Variants in CCDC7 observed in about 807,000 individuals in gnomAD.
CCDC7 encodes coiled-coil domain containing 7, also known as coiled-coil domain-containing protein 7.
CCDC7 carries 183 observed loss-of-function variants against 196.9 expected under a neutral mutation model. The ratio of observed to expected loss-of-function variants is 0.93; its 90% CI spans 0.82 to 1.05. The LOEUF is 1.05. Ranked by LOEUF, CCDC7 falls within the 50% of genes least tolerant of loss-of-function variation. The pLI is 0.00. For synonymous variants in CCDC7, 525 were observed against 484.6 expected (o/e 1.08, Z -1.10); for missense variants, 1,540 against 1,482.2 (o/e 1.04, Z -0.64).
At chr10:32,792,790 ACT>A (rs978340888) in intron 29 of CCDC7, among the ~76,000 whole-genome samples, 12 of 152,218 alleles carry the variant, frequency 7.9e-5, no homozygotes, top group African/African-American at 2.9e-4. Context: ...ATGGAGCAAG[ACT>A]CTGTCTCACC....
chr10:32,462,966 A>T, intron 4 of CCDC7, 51 bp from the exon 6 acceptor site: 1 of 1,608,818 alleles, frequency 6.2e-7, no homozygotes, highest in Non-Finnish European at 8.5e-7. Context: ...TCATCAGTGC[A>T]ATTTAAGTAG....
intron 24 of CCDC7, among the ~76,000 whole-genome samples, chr10:32,698,357 G>A (rs1033016711): frequency 3.3e-5 from 5 of 152,136 alleles, no homozygotes; most frequent in African/African-American, 4.8e-5. Context: ...TGACTTTGAC[G>A]AGTTGAGAGA....
At chr10:32,528,135 C>A (rs935301701) in intron 11 of CCDC7, among the ~76,000 whole-genome samples, 1 of 152,146 alleles carries the variant, frequency 6.6e-6, no homozygotes, top group Non-Finnish European at 1.5e-5. Flanking sequence ...CTTTCTATGT[C>A]TGGCTTGTTT....
upstream of CCDC7, among the ~76,000 whole-genome samples, chr10:32,444,703 T>C (rs2030567880): frequency 6.6e-6 from 1 of 152,230 alleles, no homozygotes; most frequent in African/African-American, 2.4e-5. Flanking sequence ...CTTTCTAAAC[T>C]ACTTTCTTAA....
intron 18 of CCDC7, among the ~76,000 whole-genome samples, chr10:32,613,010 C>T (rs539236003): frequency 6.6e-6 from 1 of 152,018 alleles, no homozygotes; most frequent in Admixed American, 6.6e-5. Context: ...ACTAGCTCCT[C>T]TTTGTACCTC....
intron 25 of CCDC7, among the ~76,000 whole-genome samples, chr10:32,713,028 T>TCATGATCTTCCA (rs2081065535): frequency 1.3e-5 from 2 of 152,202 alleles, no homozygotes; most frequent in South Asian, 4.1e-4. Flanking sequence ...GTTTGGTAGG[T>TCATGATCTTCCA]CATGATCTTC....
intron 29 of CCDC7, among the ~76,000 whole-genome samples, chr10:32,787,008 TG>T (rs1263460256): frequency 6.6e-6 from 1 of 151,986 alleles, no homozygotes; most frequent in Non-Finnish European, 1.5e-5. Context: ...AGGACAATTG[TG>T]ATTATTAAGT....
At chr10:32,709,857 A>G (rs1299696271) in intron 24 of CCDC7, among the ~76,000 whole-genome samples, 1 of 152,054 alleles carries the variant, frequency 6.6e-6, no homozygotes, top group Non-Finnish European at 1.5e-5. Context: ...AGACTTGTTA[A>G]AAATCTTATC....
chr10:32,843,173 A>G (rs1027604356), intron 33 of CCDC7, among the ~76,000 whole-genome samples: 3 of 151,964 alleles, frequency 2.0e-5, no homozygotes, highest in Non-Finnish European at 4.4e-5. Flanking sequence ...ATGCAAAAAA[A>G]TATATAAATA....
intron 13 of CCDC7, among the ~76,000 whole-genome samples, chr10:32,559,451 G>C (rs1339730244): frequency 6.6e-6 from 1 of 152,174 alleles, no homozygotes; most frequent in Non-Finnish European, 1.5e-5. Flanking sequence ...CACCTCACAC[G>C]GCCGGGTACT....
intron 28 of CCDC7, among the ~76,000 whole-genome samples, chr10:32,734,085 C>T (rs987686758): frequency 6.6e-6 from 1 of 152,070 alleles, no homozygotes; most frequent in African/African-American, 2.4e-5. Context: ...TGGGTATATA[C>T]CCAGAGGAAT....
intron 8 of CCDC7, chr10:32,481,872 A>T (rs1253470436): frequency 6.6e-6 from 1 of 152,132 alleles, no homozygotes; most frequent in Non-Finnish European, 1.5e-5. Flanking sequence ...TTCACTGCTG[A>T]TAGCCCTATG....
chr10:32,662,347 C>T (rs1402418754), intron 20 of CCDC7, among the ~76,000 whole-genome samples: 1 of 152,172 alleles, frequency 6.6e-6, no homozygotes, highest in African/African-American at 2.4e-5. Context: ...TTGGTTCCTA[C>T]TAAGGTGCTT....
At chr10:32,838,021 A>C (rs1263326874) in intron 33 of CCDC7, among the ~76,000 whole-genome samples, 1 of 152,122 alleles carries the variant, frequency 6.6e-6, no homozygotes, top group African/African-American at 2.4e-5. Flanking sequence ...GCATGTATAC[A>C]TATGTAACAA....
intron 28 of CCDC7, among the ~76,000 whole-genome samples, chr10:32,745,626 A>G (rs977540161): frequency 6.6e-6 from 1 of 152,168 alleles, no homozygotes; most frequent in African/African-American, 2.4e-5. Context: ...AACACCAGCT[A>G]CGACCTCCAA....
chr10:32,557,540 T>C (rs558587112), intron 13 of CCDC7, among the ~76,000 whole-genome samples: 1 of 152,322 alleles, frequency 6.6e-6, no homozygotes, highest in African/African-American at 2.4e-5. Flanking sequence ...AAAAAATCTT[T>C]GTTGTTTGTA....
chr10:32,806,252 A>G (rs1378580672), intron 30 of CCDC7, among the ~76,000 whole-genome samples: 1 of 152,228 alleles, frequency 6.6e-6, no homozygotes, highest in Non-Finnish European at 1.5e-5. Context: ...ACATACCCAG[A>G]AAGAAGAGGA....
chr10:32,582,969 A>T (rs1256530959), intron 16 of CCDC7, 65 bp from the exon 18 acceptor site: 5 of 932,678 alleles, frequency 5.4e-6, no homozygotes, highest in Non-Finnish European at 7.0e-6. Context: ...TATTAAAATG[A>T]TTCTTCAGTT....
intron 25 of CCDC7, among the ~76,000 whole-genome samples, chr10:32,719,801 A>G (rs887130317): frequency 1.3e-5 from 2 of 152,230 alleles, no homozygotes; most frequent in African/African-American, 4.8e-5. Context: ...GAGAAATGCA[A>G]TTCAAAACCA....
Sources: gnomAD v4.1 joint callset for allele counts (sites outside exome capture counted in the v4.1 genomes callset) on GRCh38, gnomAD v4.1.1 for gene constraint, MANE v1.5 for transcripts, NCBI Gene and HGNC (gene_info 2026-07-23, HGNC 2026-07-21) for gene names.